SLC66A3: variants seen among roughly 807,000 people sequenced by gnomAD.
SLC66A3 encodes the protein PQ loop repeat containing 3.
Under a neutral mutation model 25.5 loss-of-function variants are expected in SLC66A3, and 23 were observed. The ratio of observed to expected loss-of-function variants is 0.90; its 90% CI spans 0.65 to 1.28. SLC66A3 has a LOEUF of 1.28. Among genes scored for constraint, SLC66A3 ranks in the 50% most tolerant of loss-of-function variants. The pLI, the probability that SLC66A3 is intolerant of heterozygous loss-of-function variation, is 0.00. For synonymous variants in SLC66A3, 108 were observed against 112.6 expected (o/e 0.96, Z 0.26); for missense variants, 246 against 262.1 (o/e 0.94, Z 0.42).
At chr2:11,165,582 G>A (rs563449811) in intron 4 of SLC66A3, among the ~76,000 whole-genome samples, 47 of 152,250 alleles carry the variant, frequency 3.1e-4, no homozygotes, top group Admixed American at 5.2e-4. Context: ...TGGGCGGCCA[G>A]GCAGAGACGC....
intron 3 of SLC66A3, chr2:11,160,950 C>T: frequency 1.7e-6 from 1 of 585,680 alleles, no homozygotes; most frequent in Non-Finnish European, 3.0e-6. Flanking sequence ...GAGTCCACCC[C>T]TGCTAAGAGC....
At chr2:11,172,105 G>A (rs774670121) in intron 5 of SLC66A3, 60 bp downstream of exon 5, 1 of 1,563,480 alleles carries the variant, frequency 6.4e-7, no homozygotes, top group Non-Finnish European at 8.7e-7. Flanking sequence ...CTACGTAGTA[G>A]GGTGTTAAGT....
At chr2:11,174,721 G>A (rs1467562267) in intron 5 of SLC66A3, among the ~76,000 whole-genome samples, 1 of 152,072 alleles carries the variant, frequency 6.6e-6, no homozygotes, top group Non-Finnish European at 1.5e-5. Context: ...GGCTGGTCTC[G>A]AACTCCTGAC....
intron 3 of SLC66A3, among the ~76,000 whole-genome samples, chr2:11,161,666 A>C (rs1662135299): frequency 6.6e-6 from 1 of 152,158 alleles, no homozygotes; most frequent in Non-Finnish European, 1.5e-5. Context: ...CTACAGGTGC[A>C]TGCTACTATG....
intron 1 of SLC66A3, among the ~76,000 whole-genome samples, chr2:11,158,492 C>A (rs1360372992): frequency 6.6e-6 from 1 of 152,228 alleles, no homozygotes; most frequent in African/African-American, 2.4e-5. Flanking sequence ...GAAACCCTGT[C>A]TCTACTAAAG....
Position 11,155,517 on chromosome 2 carries a change from G to A in SLC66A3, c.-30G>A. ...AGGCTGAGCGGTCCCTTCTCGCTGC[G>A]GCCGCCCAGGTGCCCGCGCCCGTGG... On this transcript the variant is annotated 5_prime_UTR_variant, in exon 1 of 7. Coordinates refer to ENST00000295083, the MANE Select transcript of SLC66A3 (RefSeq NM_152391.5). The A allele has an allele frequency of 6.8e-7, 1 of 1,478,430 alleles. No homozygotes were observed. Among genetic ancestry groups the A allele is most frequent in the East Asian group, 2.9e-5 (1 of 34,072 alleles). 91.6% of individuals were successfully genotyped at this position (1,478,430 alleles called of 1,614,324 possible).
chr2:11,173,910 T>C (rs1467728412), intron 5 of SLC66A3, among the ~76,000 whole-genome samples: 1 of 152,246 alleles, frequency 6.6e-6, no homozygotes, highest in Non-Finnish European at 1.5e-5. Context: ...GGCCTCAGTC[T>C]GTTTATCTAT....
intron 4 of SLC66A3, among the ~76,000 whole-genome samples, chr2:11,171,414 C>G (rs897684256): frequency 1.3e-5 from 2 of 152,116 alleles, no homozygotes; most frequent in Admixed American, 6.5e-5. Flanking sequence ...TTTTGACACT[C>G]CAGCCTGGGT....
chr2:11,157,521 G>T (rs4668716), intron 1 of SLC66A3, among the ~76,000 whole-genome samples: 2 of 152,086 alleles, frequency 1.3e-5, no homozygotes, highest in South Asian at 2.1e-4. Flanking sequence ...GGCCCACCTG[G>T]GGCTGGCCAT....
intron 1 of SLC66A3, among the ~76,000 whole-genome samples, chr2:11,159,347 C>T (rs2037107): frequency 0.2 from 29,890 of 152,010 alleles, 3,328 homozygotes; most frequent in East Asian, 0.5. Context: ...GCAGAGGCAC[C>T]GCTTGTCCCT....
chr2:11,160,230 G>T, intron 1 of SLC66A3: 1 of 594,536 alleles, frequency 1.7e-6, no homozygotes, highest in Non-Finnish European at 3.0e-6. Flanking sequence ...ACTCTATAGA[G>T]ATCGTGGGTA....
chr2:11,160,749 G>A (rs377010483), intron 3 of SLC66A3, 55 bp downstream of exon 3: 4 of 1,612,226 alleles, frequency 2.5e-6, no homozygotes, highest in Non-Finnish European at 3.4e-6. Context: ...TTTGTGAATG[G>A]TATGCATTGT....
intron 4 of SLC66A3, 27 bp downstream of exon 4, chr2:11,164,288 A>T (rs762401933): frequency 8.1e-7 from 1 of 1,241,296 alleles, no homozygotes; most frequent in East Asian, 2.9e-5. Context: ...AAAAGAAAGT[A>T]GGAGGAATAA....
At chr2:11,172,207 T>C (rs1316035647) in intron 5 of SLC66A3, among the ~76,000 whole-genome samples, 162 bp downstream of exon 5, 1 of 152,052 alleles carries the variant, frequency 6.6e-6, no homozygotes, top group Non-Finnish European at 1.5e-5. Flanking sequence ...TTTACAAAGA[T>C]GATTTAATGC....
chr2:11,169,479 C>T (rs1558256848), intron 4 of SLC66A3, among the ~76,000 whole-genome samples: 1 of 152,136 alleles, frequency 6.6e-6, no homozygotes, highest in Admixed American at 6.6e-5. Flanking sequence ...ATTCATATCT[C>T]GGTAGCTTTT....
intron 6 of SLC66A3, among the ~76,000 whole-genome samples, chr2:11,176,419 TTG>T (rs1662745697): frequency 6.6e-6 from 1 of 152,174 alleles, no homozygotes; most frequent in African/African-American, 2.4e-5. Context: ...TTTCACCATG[TTG>T]GCCAGGCTGG....
At chr2:11,166,724 C>G (rs1662357621) in intron 4 of SLC66A3, among the ~76,000 whole-genome samples, 1 of 151,996 alleles carries the variant, frequency 6.6e-6, no homozygotes, top group Non-Finnish European at 1.5e-5. Context: ...ACCCTGTTCT[C>G]TACTAAAAGA....
intron 6 of SLC66A3, 72 bp from the exon 7 acceptor site, chr2:11,177,665 T>A (rs1662808270): frequency 1.5e-5 from 14 of 917,052 alleles, no homozygotes; most frequent in Non-Finnish European, 2.4e-5. Context: ...TTTAGGCTTA[T>A]ACTTTGAGCA....
intron 5 of SLC66A3, chr2:11,172,620 C>A: frequency 4.5e-6 from 1 of 222,350 alleles, no homozygotes; most frequent in Non-Finnish European, 9.7e-6. Flanking sequence ...TTTAAGTAGA[C>A]TTCATCATGG....
Sources: allele counts gnomAD v4.1 joint callset (sites outside exome capture counted in the v4.1 genomes callset), GRCh38; gene constraint gnomAD v4.1.1; transcripts MANE v1.5; gene names NCBI Gene and HGNC (gene_info 2026-07-23, HGNC 2026-07-21).